PITPNC1: variants seen among roughly 807,000 people sequenced by gnomAD.
PITPNC1 encodes the protein cytoplasmic phosphatidylinositol transfer protein 1.
In PITPNC1, 18 loss-of-function variants were observed where a neutral mutation model predicts 44.7. The observed-to-expected ratio is 0.40, with a 90% CI of 0.28 to 0.60. The LOEUF (loss-of-function observed/expected upper bound fraction) is 0.60. Ranked by LOEUF, PITPNC1 falls within the 20% of genes least tolerant of loss-of-function variation. The probability of loss-of-function intolerance (pLI) is 0.39; values close to 1 mark genes in which losing one functional copy is unlikely to be tolerated. For missense variants in PITPNC1, 290 were observed against 418.4 expected (o/e 0.69, Z 2.68); for synonymous variants, 141 against 149.6 (o/e 0.94, Z 0.42).
chr17:67,495,054 T>TTTG, intron 1 of PITPNC1, among the ~76,000 whole-genome samples: 1 of 79,698 alleles, frequency 1.3e-5, no homozygotes, highest in East Asian at 3.8e-4. Flanking sequence ...TTTTTTTTGT[T>TTTG]TTTTTTTTTT....
At chr17:67,493,574 A>G (rs1466085591) in intron 1 of PITPNC1, among the ~76,000 whole-genome samples, 2 of 152,238 alleles carry the variant, frequency 1.3e-5, no homozygotes, top group Non-Finnish European at 2.9e-5. Flanking sequence ...AGACTAGATT[A>G]AAACCCAGGG....
chr17:67,671,233 T>A (rs990427548), intron 7 of PITPNC1, among the ~76,000 whole-genome samples: 1 of 152,138 alleles, frequency 6.6e-6, no homozygotes, highest in African/African-American at 2.4e-5. Context: ...GAGTCATATT[T>A]TCTCAGGGTT....
At chr17:67,538,794 CA>C (rs1427069024) in intron 2 of PITPNC1, among the ~76,000 whole-genome samples, 1 of 151,434 alleles carries the variant, frequency 6.6e-6, no homozygotes, top group African/African-American at 2.4e-5. Flanking sequence ...AAAAGACACA[CA>C]CATAAAAAGT....
At chr17:67,432,763 G>C (rs1489006366) in intron 1 of PITPNC1, among the ~76,000 whole-genome samples, 2 of 152,168 alleles carry the variant, frequency 1.3e-5, no homozygotes, top group Admixed American at 1.3e-4. Context: ...TTTCCTGAGT[G>C]ATCTTTGTAA....
intron 6 of PITPNC1, among the ~76,000 whole-genome samples, chr17:67,657,553 T>C (rs539376198): frequency 2.0e-5 from 3 of 150,750 alleles, no homozygotes; most frequent in Admixed American, 6.6e-5. Flanking sequence ...TGCCTGTGAT[T>C]TGGGGGCAAA....
At chr17:67,466,347 T>G (rs958112248) in intron 1 of PITPNC1, among the ~76,000 whole-genome samples, 6 of 152,088 alleles carry the variant, frequency 3.9e-5, no homozygotes, top group Non-Finnish European at 5.9e-5. Flanking sequence ...TTTGTACCCC[T>G]CTCAATGTCA....
At chr17:67,590,812 G>C (rs1048474730) in intron 5 of PITPNC1, among the ~76,000 whole-genome samples, 1 of 152,082 alleles carries the variant, frequency 6.6e-6, no homozygotes, top group Non-Finnish European at 1.5e-5. Context: ...GATTAGCCGG[G>C]CGTGGTGGTG....
chr17:67,591,877 T>A (rs1470581392), intron 5 of PITPNC1, among the ~76,000 whole-genome samples: 1 of 129,840 alleles, frequency 7.7e-6, no homozygotes, highest in African/African-American at 3.5e-5. Flanking sequence ...GCCCAGCTAA[T>A]TTTTTTTTTT....
chr17:67,412,783 C>T (rs971151009), intron 1 of PITPNC1, among the ~76,000 whole-genome samples: 1 of 152,196 alleles, frequency 6.6e-6, no homozygotes, highest in Admixed American at 6.5e-5. Context: ...CCAAGCTGAT[C>T]TTGAGCTCCT....
chr17:67,523,298 T>A (rs931324589), intron 1 of PITPNC1, among the ~76,000 whole-genome samples: 1 of 152,186 alleles, frequency 6.6e-6, no homozygotes, highest in Non-Finnish European at 1.5e-5. Flanking sequence ...CAGATTTCCT[T>A]TGGTTTTGGC....
At chr17:67,537,520 C>G (rs1300863685) in intron 2 of PITPNC1, among the ~76,000 whole-genome samples, 2 of 152,080 alleles carry the variant, frequency 1.3e-5, no homozygotes, top group Non-Finnish European at 2.9e-5. Context: ...TGGAGAAAAA[C>G]ATAAAACATT....
At chr17:67,606,590 C>G (rs946517782) in intron 5 of PITPNC1, among the ~76,000 whole-genome samples, 1 of 152,222 alleles carries the variant, frequency 6.6e-6, no homozygotes, top group African/African-American at 2.4e-5. Context: ...GGCTGTGTCT[C>G]CATCTCAGAA....
In PITPNC1 at chr17:67,442,950, C is replaced by T. The variant is rs546912338; in HGVS notation, c.48+64748C>T. Among the ~76,000 whole-genome samples, 7 of 152,152 alleles carry T rather than the reference C, an allele frequency of 4.6e-5. No individual in the cohort carries two copies. In the East Asian group the frequency reaches 1.2e-3, roughly 25 times the overall value. ...TTTTACACCTAGGCAATACCTCCAG[C>T]TCTCACACTAATCCAGGCTCTGGTC... On this transcript the variant is annotated intron_variant, in intron 1 of 8. Coordinates refer to ENST00000581322, the MANE Select transcript of PITPNC1 (RefSeq NM_012417.4).
chr17:67,433,281 G>C (rs2038882822), intron 1 of PITPNC1, among the ~76,000 whole-genome samples: 1 of 152,254 alleles, frequency 6.6e-6, no homozygotes, highest in South Asian at 2.1e-4. Flanking sequence ...TACAGGTGCA[G>C]AGCAGAGATT....
At chr17:67,651,720 A>C (rs1251841661) in intron 6 of PITPNC1, among the ~76,000 whole-genome samples, 1 of 152,120 alleles carries the variant, frequency 6.6e-6, no homozygotes, top group Admixed American at 6.6e-5. Flanking sequence ...CCATCTCCCA[A>C]GCCTCAGCAA....
At chr17:67,619,749 C>T (rs1396140840) in intron 5 of PITPNC1, among the ~76,000 whole-genome samples, 3 of 151,930 alleles carry the variant, frequency 2.0e-5, no homozygotes, top group Non-Finnish European at 2.9e-5. Flanking sequence ...CCCACCCCCA[C>T]CCAGTGCCAT....
At chr17:67,595,708 ATTAAATCACAT>A (rs2041451676) in intron 5 of PITPNC1, among the ~76,000 whole-genome samples, 1 of 152,156 alleles carries the variant, frequency 6.6e-6, no homozygotes, top group South Asian at 2.1e-4. Context: ...ATATTAAGCT[ATTAAATCACAT>A]TTAAATCCTA....
At position 67,490,587 on chromosome 17, in the gene PITPNC1, G is replaced by A. The variant is rs116192451; in HGVS notation, c.49-42215G>A. Among the ~76,000 whole-genome samples the A allele has an allele frequency of 2.0e-3, 297 of 152,230 alleles. 1 individual carries two copies. Among genetic ancestry groups the A allele is most frequent in the African/African-American group, 5.7e-3 (237 of 41,548 alleles). On this transcript the variant is annotated intron_variant, in intron 1 of 8. Coordinates refer to ENST00000581322, the MANE Select transcript of PITPNC1 (RefSeq NM_012417.4). ...GAGCTTTGGGATGAAGAGCCTCCCC[G>A]CAGGCAGGGGACTGCTGGGAGTTTC...
At chr17:67,631,669 TATAAA>T (rs1488510029) in intron 5 of PITPNC1, among the ~76,000 whole-genome samples, 1 of 79,162 alleles carries the variant, frequency 1.3e-5, no homozygotes, top group African/African-American at 3.7e-5. Context: ...TATATATATA[TATAAA>T]ATATATATTT....
Sources: gnomAD v4.1 joint callset for allele counts (sites outside exome capture counted in the v4.1 genomes callset) on GRCh38, gnomAD v4.1.1 for gene constraint, MANE v1.5 for transcripts, NCBI Gene and HGNC (gene_info 2026-07-23, HGNC 2026-07-21) for gene names.